Variants in MTUS2 observed in about 807,000 individuals in gnomAD.
The protein encoded by MTUS2 is microtubule associated scaffold protein 2.
MTUS2 carries 40 observed loss-of-function variants against 114.1 expected under a neutral mutation model. That is an observed-to-expected ratio of 0.35 (90% CI 0.27 to 0.46). The LOEUF (loss-of-function observed/expected upper bound fraction) is 0.46. MTUS2 is among the 20% of genes least tolerant of loss of function. MTUS2 has a pLI of 1.00. For synonymous variants in MTUS2, 688 were observed against 672.0 expected (o/e 1.02, Z -0.37); for missense variants, 1,679 against 1,705.4 (o/e 0.98, Z 0.27).
intron 7 of MTUS2, among the ~76,000 whole-genome samples, chr13:29,352,227 G>A (rs1869351528): frequency 2.0e-5 from 3 of 152,200 alleles, no homozygotes; most frequent in Non-Finnish European, 4.4e-5. Context: ...TTCTTCTTCT[G>A]TGAAATGGAA....
chr13:29,459,101 G>A (rs949654460), intron 9 of MTUS2, among the ~76,000 whole-genome samples: 5 of 152,246 alleles, frequency 3.3e-5, no homozygotes, highest in Admixed American at 1.3e-4. Flanking sequence ...CGCATCGCTT[G>A]GACCCAAGCG....
chr13:28,853,123 TG>T (rs1391962532), intron 2 of MTUS2, among the ~76,000 whole-genome samples: 4 of 152,214 alleles, frequency 2.6e-5, no homozygotes, highest in Non-Finnish European at 5.9e-5. Context: ...ATGTTGGATC[TG>T]GTTGGAAGAG....
chr13:29,376,037 ATATG>A (rs1432434994), intron 8 of MTUS2, among the ~76,000 whole-genome samples: 252 of 98,040 alleles, frequency 2.6e-3, no homozygotes, highest in African/African-American at 0.011. Context: ...GTATATATAT[ATATG>A]TGTGTGTGTG....
At chr13:29,367,714 C>T (rs1870836725) in intron 8 of MTUS2, among the ~76,000 whole-genome samples, 1 of 151,792 alleles carries the variant, frequency 6.6e-6, no homozygotes, top group African/African-American at 2.4e-5. Flanking sequence ...GATGAACCCA[C>T]CCCACCCCAG....
intron 6 of MTUS2, chr13:29,306,984 C>T: frequency 1.8e-6 from 1 of 547,438 alleles, no homozygotes; most frequent in Non-Finnish European, 3.6e-6. Flanking sequence ...AGCTTGTCAT[C>T]ACTGGAAATC....
At chr13:29,153,706 C>T (rs1233264997) in intron 5 of MTUS2, among the ~76,000 whole-genome samples, 1 of 152,180 alleles carries the variant, frequency 6.6e-6, no homozygotes, top group Non-Finnish European at 1.5e-5. Context: ...CCCAGACCTC[C>T]TCAATTCTCT....
chr13:29,423,467 G>T (rs996876896), intron 8 of MTUS2, among the ~76,000 whole-genome samples: 45 of 152,316 alleles, frequency 3.0e-4, no homozygotes, highest in African/African-American at 1.0e-3. Context: ...AGCAAGGAAG[G>T]TAGACGAGTG....
chr13:29,400,181 C>CCTTAAAGG (rs1874215567), intron 8 of MTUS2, among the ~76,000 whole-genome samples: 1 of 152,190 alleles, frequency 6.6e-6, no homozygotes, highest in Non-Finnish European at 1.5e-5. Context: ...TACCCACCCA[C>CCTTAAAGG]ACACTCTCCT....
At chr13:29,386,261 G>T (rs1872625235) in intron 8 of MTUS2, among the ~76,000 whole-genome samples, 1 of 152,140 alleles carries the variant, frequency 6.6e-6, no homozygotes, top group African/African-American at 2.4e-5. Context: ...AATAGGAGAG[G>T]GAGATGGGAC....
At chr13:28,955,579 G>A (rs573857808) in intron 2 of MTUS2, among the ~76,000 whole-genome samples, 2 of 152,174 alleles carry the variant, frequency 1.3e-5, no homozygotes, top group Non-Finnish European at 1.5e-5. Flanking sequence ...TGGGAAAATG[G>A]ATGGCCGTGT....
intron 5 of MTUS2, among the ~76,000 whole-genome samples, chr13:29,262,449 A>G (rs1167169931): frequency 6.6e-6 from 1 of 151,984 alleles, no homozygotes; most frequent in African/African-American, 2.4e-5. Flanking sequence ...TTTGTCATAT[A>G]TTAAAGTGGA....
At chr13:29,461,779 A>G (rs1879515536) in intron 9 of MTUS2, among the ~76,000 whole-genome samples, 1 of 152,254 alleles carries the variant, frequency 6.6e-6, no homozygotes, top group Non-Finnish European at 1.5e-5. Flanking sequence ...GTTATCATGA[A>G]TGTAGCTGTA....
intron 3 of MTUS2, among the ~76,000 whole-genome samples, chr13:29,030,830 G>A (rs1886782029): frequency 6.6e-6 from 1 of 152,096 alleles, no homozygotes; most frequent in South Asian, 2.1e-4. Flanking sequence ...ACATAGCATG[G>A]GTAGAAGTGG....
At chr13:29,371,970 A>ACCCC (rs1197762029) in intron 8 of MTUS2, among the ~76,000 whole-genome samples, 3 of 11,522 alleles carry the variant, frequency 2.6e-4, no homozygotes, top group Non-Finnish European at 2.6e-4. Context: ...AGTGTCCTCA[A>ACCCC]CCCCCGCCCC....
intron 5 of MTUS2, among the ~76,000 whole-genome samples, chr13:29,111,580 G>A (rs1890885230): frequency 6.6e-6 from 1 of 152,122 alleles, no homozygotes; most frequent in Admixed American, 6.5e-5. Flanking sequence ...TTGAGACTAT[G>A]GCAGAGTGAG....
intron 6 of MTUS2, among the ~76,000 whole-genome samples, chr13:29,303,534 CTCAGTGCTTAAAGA>C (rs1204139965): frequency 6.6e-6 from 1 of 152,090 alleles, no homozygotes; most frequent in East Asian, 1.9e-4. Flanking sequence ...AGGAAAGAAT[CTCAGTGCTTAAAGA>C]TTATCTTTCT....
intron 5 of MTUS2, among the ~76,000 whole-genome samples, chr13:29,231,346 T>C (rs1055422231): frequency 2.0e-5 from 3 of 152,248 alleles, no homozygotes; most frequent in African/African-American, 7.2e-5. Flanking sequence ...CTAAATACTT[T>C]CCTGCTGCTG....
chr13:29,084,038 G>T (rs1889559038), intron 4 of MTUS2, among the ~76,000 whole-genome samples: 2 of 152,166 alleles, frequency 1.3e-5, no homozygotes, highest in African/African-American at 4.8e-5. Context: ...TTATAAATTA[G>T]ATCTATATTA....
intron 7 of MTUS2, among the ~76,000 whole-genome samples, chr13:29,339,248 G>T (rs567043271): frequency 6.6e-6 from 1 of 152,292 alleles, no homozygotes; most frequent in South Asian, 2.1e-4. Context: ...GCAGGCTGAG[G>T]GAAGGCTGCT....
Sources: gnomAD v4.1 joint callset for allele counts (sites outside exome capture counted in the v4.1 genomes callset) on GRCh38, gnomAD v4.1.1 for gene constraint, MANE v1.5 for transcripts, NCBI Gene and HGNC (gene_info 2026-07-23, HGNC 2026-07-21) for gene names.